The following PKP2 variants were observed in gnomAD, a reference collection of about 807,000 sequenced individuals.
The protein encoded by PKP2 is plakophilin-2.
PKP2 carries 73 observed loss-of-function variants against 83.4 expected under a neutral mutation model. The observed-to-expected ratio is 0.88, with a 90% CI of 0.72 to 1.06. The LOEUF (loss-of-function observed/expected upper bound fraction) is 1.06. PKP2 is among the 50% of genes least tolerant of loss of function. PKP2 has a pLI of 0.00. For missense variants in PKP2, 966 were observed against 1,065.4 expected (o/e 0.91, Z 1.30); for synonymous variants, 409 against 430.4 (o/e 0.95, Z 0.62).
chr12:32,830,743 TA>T (rs904952351), intron 6 of PKP2, among the ~76,000 whole-genome samples: 6 of 151,950 alleles, frequency 3.9e-5, no homozygotes, highest in Admixed American at 3.3e-4. Flanking sequence ...CTGTCTCTAT[TA>T]AAAATAAAAA....
intron 4 of PKP2, among the ~76,000 whole-genome samples, chr12:32,852,720 G>A (rs890529893): frequency 6.6e-6 from 1 of 152,170 alleles, no homozygotes; most frequent in African/African-American, 2.4e-5. Context: ...TGCAGAACAA[G>A]AGACAGATGG....
In PKP2 at chr12:32,841,046, T is replaced by C. The variant is rs2137829917; in HGVS notation, c.1538A>G (p.Asn513Ser). ...NGLLDFDIFY[N>S]VTGCLRNMSS... Reference sequence around the variant, plus strand: ...GCATTACCTTAGGCATCCAGTGACGTTGTAGAATATGTCAAAATCGAGCAA... The same window carrying C: ...GCATTACCTTAGGCATCCAGTGACGCTGTAGAATATGTCAAAATCGAGCAA... The change falls in exon 6 of 13, where the codon AAC (asparagine) becomes AGC (serine). Residue 513 changes from asparagine to serine, a missense_variant. Asn to Ser is a conservative substitution (Grantham distance 46, BLOSUM62 1). Transcript: ENST00000340811. 1 of 1,613,532 alleles carries C rather than the reference T, an allele frequency of 6.2e-7. No homozygotes were observed. Among genetic ancestry groups the C allele is most frequent in the Non-Finnish European group, 8.5e-7 (1 of 1,179,816 alleles).
At position 32,896,761 on chromosome 12, in the gene PKP2, CCTGCCTCTGGA is replaced by C. The variant is rs1214209839; in HGVS notation, c.-41_-31del. On this transcript the variant is annotated 5_prime_UTR_variant, in exon 1 of 13. Transcript: ENST00000340811. ...CCGGTGGGGGCGACCGAGCTGCTCG[CCTGCCTCTGGA>C]CTCGCGGGCGAAGCCGCCACGGAGC... 2 of 1,249,856 alleles carry C rather than the reference CCTGCCTCTGGA, an allele frequency of 1.6e-6. No homozygotes were observed. Among genetic ancestry groups the C allele is most frequent in the Non-Finnish European group, 2.1e-6 (2 of 937,568 alleles). 77.4% of individuals were successfully genotyped at this position (1,249,856 alleles called of 1,614,324 possible). A position where few individuals can be genotyped will look rare whatever the true frequency, so the allele number is the denominator to read the frequency against.
intron 9 of PKP2, among the ~76,000 whole-genome samples, chr12:32,816,676 A>C (rs1354941818): frequency 6.6e-6 from 1 of 152,250 alleles, no homozygotes; most frequent in African/African-American, 2.4e-5. Context: ...TGCCTTCCAC[A>C]GTGGCTGAAC....
At chr12:32,872,026 C>A (rs2137928689) in intron 3 of PKP2, among the ~76,000 whole-genome samples, 1 of 152,262 alleles carries the variant, frequency 6.6e-6, no homozygotes, top group Admixed American at 6.5e-5. Flanking sequence ...TTGAAGGCTG[C>A]AGAAATGTGT....
At chr12:32,855,321 T>C (rs1956735420) in intron 4 of PKP2, among the ~76,000 whole-genome samples, 1 of 152,126 alleles carries the variant, frequency 6.6e-6, no homozygotes, top group African/African-American at 2.4e-5. Flanking sequence ...AGCCATACAG[T>C]TCCCTCATTA....
At chr12:32,813,340 T>A (rs747043448) in intron 9 of PKP2, among the ~76,000 whole-genome samples, 21 of 152,218 alleles carry the variant, frequency 1.4e-4, no homozygotes, top group Non-Finnish European at 2.6e-4. Context: ...GTAGAATCAT[T>A]TCAAGTTCAT....
chr12:32,893,453 AT>A, intron 1 of PKP2: 1 of 152,360 alleles, frequency 6.6e-6, no homozygotes, highest in South Asian at 2.1e-4. Flanking sequence ...AAGAAGTTTA[AT>A]TAAACAATAC....
At chr12:32,849,168 T>C (rs1956675484) in intron 5 of PKP2, among the ~76,000 whole-genome samples, 1 of 149,604 alleles carries the variant, frequency 6.7e-6, no homozygotes, top group Non-Finnish European at 1.5e-5. Flanking sequence ...ATTGAAGATA[T>C]TTAACAAAAA....
chr12:32,793,058 T>C (rs561155935), intron 11 of PKP2, among the ~76,000 whole-genome samples: 121 of 152,218 alleles, frequency 7.9e-4, no homozygotes, highest in African/African-American at 2.5e-3. Flanking sequence ...CTGGCCAACA[T>C]GGTGAAACCC....
intron 1 of PKP2, among the ~76,000 whole-genome samples, chr12:32,895,192 C>T (rs547508143): frequency 1.2e-3 from 173 of 150,176 alleles, no homozygotes; most frequent in African/African-American, 4.0e-3. Context: ...TTTTTAAATA[C>T]ATATATATAT....
chr12:32,883,767 G>A (rs1482086490), intron 1 of PKP2, among the ~76,000 whole-genome samples: 2 of 152,256 alleles, frequency 1.3e-5, no homozygotes, highest in Admixed American at 6.5e-5. Flanking sequence ...CCTGTTTCCC[G>A]TAATTCCAGC....
At chr12:32,850,280 C>A (rs1453490779) in intron 5 of PKP2, among the ~76,000 whole-genome samples, 3 of 152,138 alleles carry the variant, frequency 2.0e-5, no homozygotes, top group African/African-American at 4.8e-5. Flanking sequence ...GGCGCAGTGG[C>A]TCATGGCTCA....
In PKP2 at chr12:32,821,310, A is replaced by G; in HGVS notation, c.2013+46T>C. The G allele has an allele frequency of 1.3e-6, 2 of 1,505,528 alleles. 1 individual carries two copies. Among genetic ancestry groups the G allele is most frequent in the South Asian group, 2.3e-5 (2 of 88,782 alleles). 93.3% of individuals were successfully genotyped at this position (1,505,528 alleles called of 1,614,324 possible). On this transcript the variant is annotated intron_variant, in intron 9 of 12. Coordinates refer to ENST00000340811, the MANE Select transcript of PKP2 (RefSeq NM_001005242.3). ...CTCTGAATTGAATGTAGGTATGTCT[A>G]CAATATCATTATTTTAAAAAGTAGG...
intron 4 of PKP2, among the ~76,000 whole-genome samples, chr12:32,858,533 G>A (rs1030086691): frequency 2.6e-5 from 4 of 151,858 alleles, no homozygotes; most frequent in African/African-American, 4.8e-5. Flanking sequence ...CTTTTGAAAC[G>A]GCAAAGTCTA....
At chr12:32,815,666 C>T (rs75332392) in intron 9 of PKP2, among the ~76,000 whole-genome samples, 2,799 of 152,224 alleles carry the variant, frequency 0.018, 43 homozygotes, top group South Asian at 0.045. Flanking sequence ...ACTAAAATCT[C>T]GCTTTATAGA....
Position 32,878,208 on chromosome 12 carries a change from G to T in PKP2, c.672C>A (p.Gly224=). The part of the protein sequence containing the change: ...FDTYHRQYQH[G]SVSDTVFDSI... ...TGTCAAAAACGGTGTCGCTAACAGA[G>T]CCATGCTGGTACTGTCTGTGGTATG... Residue 224 remains glycine (G), a synonymous_variant, in exon 3 of 13, where the codon GGC becomes GGA. Coordinates refer to ENST00000340811, the MANE Select transcript of PKP2 (RefSeq NM_001005242.3). 6.2e-7 allele frequency: 1 copy of T among 1,614,200 alleles called. No individual in the cohort carries two copies. The highest frequency in any genetic ancestry group is 1.1e-5 in the South Asian group (1 of 91,082).
intron 9 of PKP2, among the ~76,000 whole-genome samples, chr12:32,802,822 C>T (rs1325393806): frequency 6.6e-5 from 10 of 151,886 alleles, no homozygotes; most frequent in Admixed American, 4.6e-4. Flanking sequence ...CCACGCCCAG[C>T]TAATTTTTTG....
intron 10 of PKP2, among the ~76,000 whole-genome samples, chr12:32,800,360 T>G (rs1475539057): frequency 1.3e-5 from 2 of 152,226 alleles, no homozygotes; most frequent in African/African-American, 4.8e-5. Context: ...AATGGACAAG[T>G]ACTCAATAAA....
Sources: allele counts gnomAD v4.1 joint callset (sites outside exome capture counted in the v4.1 genomes callset), GRCh38; gene constraint gnomAD v4.1.1; transcripts MANE v1.5; gene names NCBI Gene and HGNC (gene_info 2026-07-23, HGNC 2026-07-21).